The following CLSTN2 variants were observed in gnomAD, a reference collection of about 807,000 sequenced individuals.
CLSTN2 encodes the protein calsyntenin-2.
In CLSTN2, 48 loss-of-function variants were observed where a neutral mutation model predicts 101.2. The ratio of observed to expected loss-of-function variants is 0.47; its 90% CI spans 0.38 to 0.60. CLSTN2 has a LOEUF of 0.60. Among genes scored for constraint, CLSTN2 ranks in the 20% least tolerant of loss-of-function variants. The probability of loss-of-function intolerance (pLI) is 0.00; values close to 1 mark genes in which losing one functional copy is unlikely to be tolerated. For missense variants in CLSTN2, 1,160 were observed against 1,238.2 expected (o/e 0.94, Z 0.95); for synonymous variants, 481 against 463.6 (o/e 1.04, Z -0.48).
intron 8 of CLSTN2, among the ~76,000 whole-genome samples, chr3:140,528,647 TGAATG>T (rs746614752): frequency 1.7e-4 from 21 of 120,684 alleles, no homozygotes; most frequent in Admixed American, 1.1e-3. Flanking sequence ...AAAAAAAAGA[TGAATG>T]AATAGAGGAA....
Position 140,107,491 on chromosome 3 carries a change from A to G in CLSTN2, c.110-68460A>G, listed in dbSNP as rs76208735. Among the ~76,000 whole-genome samples the G allele has an allele frequency of 4.0e-3, 609 of 152,258 alleles. 4 individuals carry two copies. The highest frequency in any genetic ancestry group is 0.014 in the African/African-American group (575 of 41,548). ...GGGGTTTCCTGTCATTTCACCCTCA[A>G]TGTGAGTGCAGACTCACCTGGTCCT... is the stretch of plus-strand genomic sequence containing the variant. On this transcript the variant is annotated intron_variant, in intron 1 of 16. Coordinates refer to ENST00000458420, the MANE Select transcript of CLSTN2 (RefSeq NM_022131.3).
chr3:140,090,010 A>T (rs1576423127), intron 1 of CLSTN2, among the ~76,000 whole-genome samples: 1 of 91,638 alleles, frequency 1.1e-5, no homozygotes, highest in Non-Finnish European at 2.0e-5. Context: ...TAACAGACTG[A>T]GTATATATTG....
At chr3:139,964,249 G>T (rs1017718967) in intron 1 of CLSTN2, among the ~76,000 whole-genome samples, 1 of 152,140 alleles carries the variant, frequency 6.6e-6, no homozygotes, top group Non-Finnish European at 1.5e-5. Flanking sequence ...TTGGGTTCTG[G>T]CAGTGTCCTC....
At chr3:140,239,098 G>A (rs1272993469) in intron 2 of CLSTN2, among the ~76,000 whole-genome samples, 1 of 152,068 alleles carries the variant, frequency 6.6e-6, no homozygotes, top group Non-Finnish European at 1.5e-5. Flanking sequence ...GCCACATCTG[G>A]GTTGCAGGAA....
chr3:140,035,013 T>G (rs957215102), intron 1 of CLSTN2, among the ~76,000 whole-genome samples: 1 of 152,238 alleles, frequency 6.6e-6, no homozygotes, highest in East Asian at 1.9e-4. Context: ...GGCTCTCTTA[T>G]GCCCCTAGCA....
At chr3:140,098,487 A>G (rs547201311) in intron 1 of CLSTN2, among the ~76,000 whole-genome samples, 2 of 152,366 alleles carry the variant, frequency 1.3e-5, no homozygotes, top group South Asian at 4.1e-4. Context: ...TAAATCCTTC[A>G]GCAAGACTGA....
chr3:140,288,886 C>T, intron 2 of CLSTN2, among the ~76,000 whole-genome samples: 1 of 152,174 alleles, frequency 6.6e-6, no homozygotes. Context: ...TTTTCACTCA[C>T]CCTTCATACC....
intron 8 of CLSTN2, among the ~76,000 whole-genome samples, chr3:140,496,091 C>T (rs1934459102): frequency 6.6e-6 from 1 of 152,210 alleles, no homozygotes; most frequent in Admixed American, 6.5e-5. Flanking sequence ...TCTTCCTATT[C>T]ATGATCATGG....
intron 1 of CLSTN2, among the ~76,000 whole-genome samples, chr3:140,062,007 T>C (rs530583967): frequency 4.6e-5 from 7 of 152,032 alleles, no homozygotes; most frequent in Non-Finnish European, 8.8e-5. Context: ...GCTGCAGGAG[T>C]GGCTAACCAA....
At chr3:140,350,456 T>C (rs2087593541) in intron 2 of CLSTN2, among the ~76,000 whole-genome samples, 1 of 152,036 alleles carries the variant, frequency 6.6e-6, no homozygotes, top group South Asian at 2.1e-4. Context: ...GGATGTGGGG[T>C]AGGGAGGGGG....
At chr3:140,233,841 G>A (rs80002831) in intron 2 of CLSTN2, among the ~76,000 whole-genome samples, 5,936 of 152,220 alleles carry the variant, frequency 0.039, 359 homozygotes, top group African/African-American at 0.13. Flanking sequence ...GCTCTAGAAT[G>A]GGGTGCTGCA....
chr3:140,328,227 G>A (rs577173041), intron 2 of CLSTN2, among the ~76,000 whole-genome samples: 1 of 152,258 alleles, frequency 6.6e-6, no homozygotes, highest in African/African-American at 2.4e-5. Context: ...AGTAAATAAT[G>A]TGTCTTTTTC....
intron 9 of CLSTN2, among the ~76,000 whole-genome samples, chr3:140,544,899 T>C (rs80146919): frequency 0.01 from 1,554 of 152,020 alleles, 21 homozygotes; most frequent in African/African-American, 0.033. Context: ...AGGGGTGGTG[T>C]CTCAGTATAA....
intron 1 of CLSTN2, among the ~76,000 whole-genome samples, chr3:139,997,349 G>GACAT (rs5852963): frequency 6.6e-6 from 1 of 151,820 alleles, no homozygotes; most frequent in Admixed American, 6.5e-5. Flanking sequence ...TTGTCAGAAA[G>GACAT]ACGCAAACAC....
At chr3:139,978,075 G>A (rs1167788173) in intron 1 of CLSTN2, among the ~76,000 whole-genome samples, 1 of 152,158 alleles carries the variant, frequency 6.6e-6, no homozygotes, top group Non-Finnish European at 1.5e-5. Context: ...CAGAGAAAGG[G>A]CTTGTGCAGA....
chr3:140,525,259 G>A, intron 8 of CLSTN2, among the ~76,000 whole-genome samples: 1 of 152,062 alleles, frequency 6.6e-6, no homozygotes, highest in East Asian at 1.9e-4. Flanking sequence ...TGACAAAGAT[G>A]ACATTACAAT....
intron 1 of CLSTN2, among the ~76,000 whole-genome samples, chr3:139,945,351 G>A (rs1230636784): frequency 2.6e-5 from 4 of 152,176 alleles, no homozygotes; most frequent in African/African-American, 9.7e-5. Context: ...AAAGTTCTAA[G>A]TATTCAAATG....
intron 2 of CLSTN2, among the ~76,000 whole-genome samples, chr3:140,352,606 TA>T (rs758664534): frequency 6.6e-6 from 1 of 152,196 alleles, no homozygotes; most frequent in Admixed American, 6.5e-5. Context: ...ATGTGCTCAT[TA>T]ACAATGATAC....
intron 1 of CLSTN2, among the ~76,000 whole-genome samples, chr3:139,962,306 T>C (rs1198269835): frequency 6.6e-6 from 1 of 152,332 alleles, no homozygotes. Flanking sequence ...GTGCACATAT[T>C]GAAAGTATAT....
Sources: allele counts gnomAD v4.1 joint callset (sites outside exome capture counted in the v4.1 genomes callset), GRCh38; gene constraint gnomAD v4.1.1; transcripts MANE v1.5; gene names NCBI Gene and HGNC (gene_info 2026-07-23, HGNC 2026-07-21).